Variants in MAL2 observed in about 807,000 individuals in gnomAD.
MAL2 encodes the protein protein MAL2.
Under a neutral mutation model 18.1 loss-of-function variants are expected in MAL2, and 17 were observed. That is an observed-to-expected ratio of 0.94 (90% confidence interval 0.64 to 1.41). The LOEUF is 1.41. MAL2 is among the 40% of genes most tolerant of loss of function. MAL2 has a pLI of 0.00. For missense variants in MAL2, 222 were observed against 231.9 expected, an observed-to-expected ratio of 0.96 and a Z score of 0.28; for synonymous variants, 102 against 102.3, an observed-to-expected ratio of 1.00 and a Z score of 0.02.
At chr8:119,238,558 G>C (rs928744956) in intron 2 of MAL2, among the ~76,000 whole-genome samples, 3 of 148,850 alleles carry the variant, frequency 2.0e-5, no homozygotes, top group African/African-American at 7.5e-5. Context: ...AAACAGCATG[G>C]TACTGGGACC....
intron 2 of MAL2, among the ~76,000 whole-genome samples, chr8:119,228,682 C>A (rs892271945): frequency 6.6e-6 from 1 of 152,182 alleles, no homozygotes; most frequent in Non-Finnish European, 1.5e-5. Context: ...TGAGTGAATG[C>A]AGTCTGTAAA....
intron 1 of MAL2, among the ~76,000 whole-genome samples, chr8:119,211,225 A>C (rs1817263938): frequency 6.6e-6 from 1 of 152,184 alleles, no homozygotes; most frequent in African/African-American, 2.4e-5. Flanking sequence ...CAACCTGTAA[A>C]GTAAATGTGA....
At chr8:119,231,022 G>GATGTGAGAACAA (rs1817710853) in intron 2 of MAL2, among the ~76,000 whole-genome samples, 1 of 151,124 alleles carries the variant, frequency 6.6e-6, no homozygotes, top group Non-Finnish European at 1.5e-5. Flanking sequence ...TGTGAGAACA[G>GATGTGAGAACAA]TTTTTTTTTT....
intron 2 of MAL2, among the ~76,000 whole-genome samples, chr8:119,239,482 G>A (rs1326841132): frequency 6.6e-6 from 1 of 152,014 alleles, no homozygotes; most frequent in Non-Finnish European, 1.5e-5. Context: ...TATGTTTATT[G>A]CGGCATTATT....
At chr8:119,233,408 A>G (rs1166373988) in intron 2 of MAL2, among the ~76,000 whole-genome samples, 3 of 152,342 alleles carry the variant, frequency 2.0e-5, no homozygotes, top group East Asian at 3.9e-4. Flanking sequence ...TGAAAGGATC[A>G]ACAAAATTGA....
At chr8:119,225,286 A>G (rs1817564101) in intron 2 of MAL2, among the ~76,000 whole-genome samples, 1 of 151,566 alleles carries the variant, frequency 6.6e-6, no homozygotes, top group Admixed American at 6.6e-5. Context: ...CCACCCCACA[A>G]CAGGCCCCGG....
intron 2 of MAL2, among the ~76,000 whole-genome samples, chr8:119,234,387 C>T (rs1293382173): frequency 1.3e-5 from 2 of 152,188 alleles, no homozygotes; most frequent in Non-Finnish European, 2.9e-5. Context: ...GGGGGAGGGG[C>T]GCCCGCCATT....
intron 1 of MAL2, 141 bp from the exon 2 acceptor site, chr8:119,221,446 C>T (rs576566097): frequency 1.6e-5 from 16 of 971,712 alleles, no homozygotes; most frequent in Middle Eastern, 2.4e-4. Flanking sequence ...AGGGGAAAAT[C>T]GAAGGGATGG....
intron 1 of MAL2, chr8:119,209,294 G>C (rs1362688306): frequency 6.6e-6 from 1 of 152,600 alleles, no homozygotes; most frequent in Admixed American, 6.5e-5. Flanking sequence ...GTTCTTCTCT[G>C]CCTGCCTTTG....
At chr8:119,211,025 C>A (rs765612710) in intron 1 of MAL2, among the ~76,000 whole-genome samples, 7 of 152,170 alleles carry the variant, frequency 4.6e-5, no homozygotes, top group Non-Finnish European at 1.0e-4. Context: ...GGTTTACATG[C>A]TTTAAGAGAG....
Position 119,243,981 on chromosome 8 carries a change from A to G in MAL2, c.*493A>G, listed in dbSNP as rs899565748. On this transcript the variant is annotated 3_prime_UTR_variant, in exon 4 of 4. Coordinates refer to ENST00000614891, the MANE Select transcript of MAL2 (RefSeq NM_052886.3). Reference sequence around the variant, plus strand: ...AATATTTATGCTTCACGGTCCATACAGTCTCTGTCACAACTATTCAGTTCT... The same window carrying G: ...AATATTTATGCTTCACGGTCCATACGGTCTCTGTCACAACTATTCAGTTCT... The G allele has an allele frequency of 1.3e-5, 2 of 152,468 alleles. No homozygotes were observed. The highest frequency in any genetic ancestry group is 2.9e-5 in the Non-Finnish European group (2 of 68,262). The allele number at this position is 152,468 out of a possible 1,614,324, so 9.4% of individuals were successfully genotyped here.
In MAL2 at chr8:119,243,641, A is replaced by G. The variant is rs190547021; in HGVS notation, c.*153A>G. ...CTAAGCTCAAGTTCTGGTTTATTTCATGGATGGAATGTTAATTTTATTATG... is the reference window on the plus strand; with the variant it reads ...CTAAGCTCAAGTTCTGGTTTATTTCGTGGATGGAATGTTAATTTTATTATG... On this transcript the variant is annotated 3_prime_UTR_variant, in exon 4 of 4. Transcript: ENST00000614891. 4.2e-6 allele frequency: 2 copies of G among 472,940 alleles called. No homozygotes were observed. Among genetic ancestry groups the G allele is most frequent in the Middle Eastern group, 3.1e-4 (1 of 3,222 alleles). 29.3% of individuals were successfully genotyped at this position (472,940 alleles called of 1,614,324 possible). A position where few individuals can be genotyped will look rare whatever the true frequency, so the allele number is the denominator to read the frequency against.
chr8:119,226,111 T>C (rs1234727305), intron 2 of MAL2, among the ~76,000 whole-genome samples: 10 of 152,204 alleles, frequency 6.6e-5, no homozygotes, highest in Non-Finnish European at 1.5e-4. Flanking sequence ...TGATGGTAGT[T>C]TCTTTTGCTG....
chr8:119,241,766 T>C (rs942121012), intron 3 of MAL2, among the ~76,000 whole-genome samples: 3 of 152,220 alleles, frequency 2.0e-5, no homozygotes, highest in Non-Finnish European at 2.9e-5. Flanking sequence ...GTTTATAGTG[T>C]AGATTCATGA....
At chr8:119,222,542 T>C (rs1817487683) in intron 2 of MAL2, among the ~76,000 whole-genome samples, 1 of 151,084 alleles carries the variant, frequency 6.6e-6, no homozygotes, top group East Asian at 1.9e-4. Flanking sequence ...AAAAAAGAAT[T>C]TGTGACCAAG....
At chr8:119,211,576 T>C (rs1482519547) in intron 1 of MAL2, among the ~76,000 whole-genome samples, 4 of 152,134 alleles carry the variant, frequency 2.6e-5, no homozygotes, top group Non-Finnish European at 4.4e-5. Flanking sequence ...CTGTCAGATA[T>C]AAGCCATTTG....
At chr8:119,211,758 T>C (rs1817271346) in intron 1 of MAL2, among the ~76,000 whole-genome samples, 1 of 150,970 alleles carries the variant, frequency 6.6e-6, no homozygotes. Flanking sequence ...GATACCTAAT[T>C]GTCAGCTCTT....
At chr8:119,243,343 T>C (rs1818086427) in intron 3 of MAL2, 74 bp from the exon 4 acceptor site, 5 of 1,119,616 alleles carry the variant, frequency 4.5e-6, no homozygotes, top group Non-Finnish European at 6.3e-6. Flanking sequence ...AAACTTCATA[T>C]GGTTGTTCTT....
chr8:119,241,623 C>T (rs1356334892), intron 3 of MAL2, among the ~76,000 whole-genome samples: 1 of 151,994 alleles, frequency 6.6e-6, no homozygotes, highest in Non-Finnish European at 1.5e-5. Flanking sequence ...GGGTACAAGA[C>T]AAATGATTTC....
Sources: allele counts gnomAD v4.1 joint callset (sites outside exome capture counted in the v4.1 genomes callset), GRCh38; gene constraint gnomAD v4.1.1; transcripts MANE v1.5; gene names NCBI Gene and HGNC (gene_info 2026-07-23, HGNC 2026-07-21).